GRIP1: variants seen among roughly 807,000 people sequenced by gnomAD.
The protein encoded by GRIP1 is glutamate receptor interacting protein 1.
GRIP1 carries 45 observed loss-of-function variants against 129.9 expected under a neutral mutation model. The observed-to-expected ratio is 0.35, with a 90% CI of 0.27 to 0.44. GRIP1 has a LOEUF of 0.44. Among genes scored for constraint, GRIP1 ranks in the 20% least tolerant of loss-of-function variants. The pLI, the probability that GRIP1 is intolerant of heterozygous loss-of-function variation, is 1.00. For synonymous variants in GRIP1, 530 were observed against 520.8 expected (o/e 1.02, Z -0.24); for missense variants, 1,196 against 1,396.8 (o/e 0.86, Z 2.29).
intron 22 of GRIP1, among the ~76,000 whole-genome samples, chr12:66,376,704 C>T (rs905582905): frequency 6.6e-6 from 1 of 152,174 alleles, no homozygotes; most frequent in Admixed American, 6.5e-5. Flanking sequence ...CTCTTATGTT[C>T]CTCTTAACGA....
At chr12:66,369,340 C>CTTTTTTTTTTTTTTTT (rs758593628) in intron 23 of GRIP1, among the ~76,000 whole-genome samples, 4 of 106,790 alleles carry the variant, frequency 3.7e-5, no homozygotes, top group Non-Finnish European at 5.6e-5. Flanking sequence ...TTAACAAGAT[C>CTTTTTTTTTTTTTTTT]TTTTTTTTTT....
chr12:66,357,475 T>C (rs1339354578), intron 23 of GRIP1, among the ~76,000 whole-genome samples: 1 of 152,220 alleles, frequency 6.6e-6, no homozygotes, highest in Non-Finnish European at 1.5e-5. Flanking sequence ...TATCACATCA[T>C]GTCTAGCTGT....
chr12:66,952,048 C>T (rs1357501729), intron 1 of GRIP1, among the ~76,000 whole-genome samples: 1 of 151,760 alleles, frequency 6.6e-6, no homozygotes, highest in Admixed American at 6.6e-5. Context: ...GAGGCATAAA[C>T]AAGATGCTTT....
At chr12:66,477,477 C>A (rs1426648266) in intron 7 of GRIP1, among the ~76,000 whole-genome samples, 2 of 151,920 alleles carry the variant, frequency 1.3e-5, no homozygotes, top group Non-Finnish European at 2.9e-5. Flanking sequence ...AGATTCAATG[C>A]CATCCCCATC....
At chr12:66,801,044 T>C (rs1189690502) in intron 1 of GRIP1, among the ~76,000 whole-genome samples, 2 of 152,120 alleles carry the variant, frequency 1.3e-5, no homozygotes, top group African/African-American at 2.4e-5. Context: ...TGATTTCTTT[T>C]TGCCTTGAAT....
chr12:66,964,191 T>G (rs1452928259), intron 1 of GRIP1, among the ~76,000 whole-genome samples: 1 of 152,190 alleles, frequency 6.6e-6, no homozygotes, highest in African/African-American at 2.4e-5. Context: ...TGCAGTTTAC[T>G]CATTTATTTA....
chr12:67,047,489 G>C (rs940632063), intron 1 of GRIP1, among the ~76,000 whole-genome samples: 18 of 151,874 alleles, frequency 1.2e-4, no homozygotes, highest in Non-Finnish European at 2.2e-4. Flanking sequence ...AAAATTTAAA[G>C]TCAGCATTTC....
intron 6 of GRIP1, among the ~76,000 whole-genome samples, chr12:66,517,371 G>A (rs1024186956): frequency 6.6e-6 from 1 of 152,146 alleles, no homozygotes; most frequent in Non-Finnish European, 1.5e-5. Flanking sequence ...ACAGACTAAT[G>A]AAATGTCTTC....
At chr12:66,463,159 C>T in intron 8 of GRIP1, 66 bp from the exon 9 acceptor site, 1 of 1,286,078 alleles carries the variant, frequency 7.8e-7, no homozygotes, top group Non-Finnish European at 1.1e-6. Flanking sequence ...CTTTCATGTC[C>T]TTCATAGTTA....
chr12:66,398,149 G>A (rs989046266), intron 16 of GRIP1, among the ~76,000 whole-genome samples: 1 of 152,094 alleles, frequency 6.6e-6, no homozygotes, highest in African/African-American at 2.4e-5. Flanking sequence ...TTCCTGCTTG[G>A]GATCCAGCCT....
chr12:66,971,813 T>C (rs2042080255), intron 1 of GRIP1, among the ~76,000 whole-genome samples: 1 of 152,106 alleles, frequency 6.6e-6, no homozygotes, highest in Non-Finnish European at 1.5e-5. Context: ...ATAAGTAGAA[T>C]TAAGTTTGTG....
chr12:66,851,187 T>C (rs2039905265), intron 1 of GRIP1, among the ~76,000 whole-genome samples: 1 of 151,700 alleles, frequency 6.6e-6, no homozygotes, highest in Admixed American at 6.6e-5. Context: ...AGAGGTAATA[T>C]GTTAGTAAGC....
intron 1 of GRIP1, among the ~76,000 whole-genome samples, chr12:67,030,380 TC>T (rs34427403): frequency 6.6e-6 from 1 of 151,900 alleles, no homozygotes; most frequent in Non-Finnish European, 1.5e-5. Context: ...TGCAGATACA[TC>T]CCCATGCAGC....
At chr12:67,047,179 T>C (rs148437108) in intron 1 of GRIP1, among the ~76,000 whole-genome samples, 23 of 152,314 alleles carry the variant, frequency 1.5e-4, no homozygotes, top group South Asian at 4.1e-4. Context: ...GTTTTAATTA[T>C]ATTAAATTGT....
intron 1 of GRIP1, among the ~76,000 whole-genome samples, chr12:66,915,636 T>C (rs1234349584): frequency 6.6e-6 from 1 of 152,192 alleles, no homozygotes; most frequent in African/African-American, 2.4e-5. Flanking sequence ...TGTGTAGCTT[T>C]TGCATGTGAG....
At chr12:66,482,617 C>G (rs1420357446) in intron 7 of GRIP1, among the ~76,000 whole-genome samples, 1 of 152,172 alleles carries the variant, frequency 6.6e-6, no homozygotes, top group Non-Finnish European at 1.5e-5. Flanking sequence ...AGCTGCCACC[C>G]AATTCCATTC....
intron 1 of GRIP1, among the ~76,000 whole-genome samples, chr12:66,723,625 T>C (rs760411232): frequency 1.3e-4 from 20 of 152,048 alleles, no homozygotes; most frequent in Non-Finnish European, 2.9e-4. Context: ...ATTTTCTTTT[T>C]GGCTTGAGAA....
chr12:66,812,229 G>A (rs187606735), intron 1 of GRIP1, among the ~76,000 whole-genome samples: 155 of 152,266 alleles, frequency 1.0e-3, no homozygotes, highest in Admixed American at 2.5e-3. Context: ...CACTTCCCGG[G>A]TTCAAGCAAT....
intron 1 of GRIP1, among the ~76,000 whole-genome samples, chr12:66,951,515 C>T (rs73333063): frequency 0.14 from 21,073 of 152,044 alleles, 2,153 homozygotes; most frequent in African/African-American, 0.29. Flanking sequence ...GGAGCCAGAC[C>T]GTACAGGAAC....
Sources: allele counts gnomAD v4.1 joint callset (sites outside exome capture counted in the v4.1 genomes callset), GRCh38; gene constraint gnomAD v4.1.1; transcripts MANE v1.5; gene names NCBI Gene and HGNC (gene_info 2026-07-23, HGNC 2026-07-21).